CTNNA1: variants seen among roughly 807,000 people sequenced by gnomAD.
The protein encoded by CTNNA1 is catenin alpha 1.
Under a neutral mutation model 98.4 loss-of-function variants are expected in CTNNA1, and 37 were observed. The ratio of observed to expected loss-of-function variants is 0.38; its 90% CI spans 0.29 to 0.49. The LOEUF is 0.49. CTNNA1 is among the 20% of genes least tolerant of loss of function. The pLI is 0.95. For synonymous variants in CTNNA1, 404 were observed against 413.2 expected (o/e 0.98, Z 0.27); for missense variants, 761 against 1,147.2 (o/e 0.66, Z 4.86).
chr5:138,773,915 A>G (rs1753816045), intron 1 of CTNNA1, among the ~76,000 whole-genome samples: 1 of 151,880 alleles, frequency 6.6e-6, no homozygotes, highest in African/African-American at 2.4e-5. Flanking sequence ...ACAAAGTCTC[A>G]CTCTGTCGCC....
At chr5:138,908,770 G>C (rs1411590903) in intron 10 of CTNNA1, among the ~76,000 whole-genome samples, 1 of 152,036 alleles carries the variant, frequency 6.6e-6, no homozygotes, top group Non-Finnish European at 1.5e-5. Context: ...TTATCATTAA[G>C]AAAAGAGGAG....
Position 138,887,444 on chromosome 5 carries a change from C to T in CTNNA1, c.1144-46C>T, listed in dbSNP as rs1019087734. The T allele has an allele frequency of 1.3e-5, 18 of 1,427,858 alleles. No individual in the cohort carries two copies. Among genetic ancestry groups the T allele is most frequent in the Non-Finnish European group, 1.7e-5 (18 of 1,036,186 alleles). The allele number at this position is 1,427,858 out of a possible 1,614,324, so 88.4% of individuals were successfully genotyped here. The stretch of plus-strand genomic sequence containing the variant: ...AGAATAAAAAGCAATCTATTTAATA[C>T]CTTTTTGGTAGAAATAAAATCAAAT... On this transcript the variant is annotated intron_variant, in intron 8 of 17. Coordinates refer to ENST00000302763, the MANE Select transcript of CTNNA1 (RefSeq NM_001903.5).
chr5:138,804,269 AC>A (rs551733827), intron 3 of CTNNA1, among the ~76,000 whole-genome samples: 85 of 152,294 alleles, frequency 5.6e-4, no homozygotes, highest in Non-Finnish European at 9.7e-4. Flanking sequence ...CTTTCATGTT[AC>A]TGCATTCAAT....
intron 1 of CTNNA1, among the ~76,000 whole-genome samples, chr5:138,770,892 C>T (rs567096738): frequency 8.0e-5 from 12 of 150,544 alleles, no homozygotes; most frequent in Non-Finnish European, 1.8e-4. Flanking sequence ...GCAGGGCTTG[C>T]AGTGAGCCGA....
At chr5:138,858,334 C>T (rs1349132357) in intron 7 of CTNNA1, among the ~76,000 whole-genome samples, 1 of 151,856 alleles carries the variant, frequency 6.6e-6, no homozygotes, top group Non-Finnish European at 1.5e-5. Flanking sequence ...GCCATGTTGC[C>T]CAGGCTGATC....
At position 138,844,372 on chromosome 5, in the gene CTNNA1, T is replaced by A. The variant is rs150431826; in HGVS notation, c.1062+16654T>A. Among the ~76,000 whole-genome samples, 1,800 of 152,276 alleles carry A rather than the reference T, an allele frequency of 0.012. 31 individuals are homozygous for A. The highest frequency in any genetic ancestry group is 0.016 in the Non-Finnish European group (1,083 of 68,014). Reference sequence around the variant, plus strand: ...TCTTAGCTGCTTGACTTTTATATAATTTAGTAGTGATGTTTACATTGTTCA... The same window carrying A: ...TCTTAGCTGCTTGACTTTTATATAAATTAGTAGTGATGTTTACATTGTTCA... On this transcript the variant is annotated intron_variant, in intron 7 of 17. Transcript: ENST00000302763.
At chr5:138,841,858 T>A (rs1459145277) in intron 7 of CTNNA1, among the ~76,000 whole-genome samples, 1 of 152,200 alleles carries the variant, frequency 6.6e-6, no homozygotes, top group African/African-American at 2.4e-5. Context: ...CAGTGTGACA[T>A]CGTATTTCAA....
chr5:138,874,664 C>CT lies in CTNNA1; in HGVS notation c.1063-11547dup. 1.3e-6 allele frequency: 1 copy of CT among 770,170 alleles called. No homozygotes were observed. 47.7% of individuals were successfully genotyped at this position (770,170 alleles called of 1,614,324 possible). On this transcript the variant is annotated intron_variant, in intron 7 of 17. Coordinates refer to ENST00000302763, the MANE Select transcript of CTNNA1 (RefSeq NM_001903.5). The surrounding 1 kb of genome is among the most constrained non-coding windows in gnomAD (Gnocchi z 4.1). ...ACCAACATTATAGCAAAAGATTTCACTGCATATAACTTATTTTTCATTTAC... is the reference window on the plus strand; with the variant it reads ...ACCAACATTATAGCAAAAGATTTCACTTGCATATAACTTATTTTTCATTTAC...
At chr5:138,854,793 A>G (rs932936317) in intron 7 of CTNNA1, among the ~76,000 whole-genome samples, 1 of 152,196 alleles carries the variant, frequency 6.6e-6, no homozygotes, top group African/African-American at 2.4e-5. Flanking sequence ...GGCTTATGTA[A>G]TAATGTCATC....
At chr5:138,780,528 A>G (rs1045291534) in intron 1 of CTNNA1, among the ~76,000 whole-genome samples, 3 of 149,008 alleles carry the variant, frequency 2.0e-5, no homozygotes, top group African/African-American at 7.4e-5. Flanking sequence ...TATTATTATT[A>G]TTTTTTAAGA....
chr5:138,783,113 C>T (rs1755311849), intron 2 of CTNNA1, 64 bp from the exon 3 acceptor site: 1 of 1,287,360 alleles, frequency 7.8e-7, no homozygotes, highest in South Asian at 1.5e-5. Flanking sequence ...ATCTTGCTGT[C>T]TTTAAAGATA....
At position 138,841,069 on chromosome 5, in the gene CTNNA1, T is replaced by C. The variant is rs969810745; in HGVS notation, c.1062+13351T>C. Reference sequence around the variant, plus strand: ...TTGAAAGTTGCCTCTTTGGTTGATATATTTCTCAGTCATAATGCCAACTTA... The same window carrying C: ...TTGAAAGTTGCCTCTTTGGTTGATACATTTCTCAGTCATAATGCCAACTTA... On this transcript the variant is annotated intron_variant, in intron 7 of 17. Transcript: ENST00000302763. Among the ~76,000 whole-genome samples the C allele has an allele frequency of 3.9e-5, 6 of 152,192 alleles. No homozygotes were observed. In the East Asian group the frequency reaches 1.2e-3, roughly 29 times the overall value.
Position 138,875,700 on chromosome 5 carries a change from C to T in CTNNA1, c.1063-10512C>T, listed in dbSNP as rs954216009. The T allele has an allele frequency of 7.1e-6, 7 of 985,296 alleles. No homozygotes were observed. In the African/African-American group the frequency reaches 1.2e-4, roughly 17 times the overall value. The allele number at this position is 985,296 out of a possible 1,614,324, so 61.0% of individuals were successfully genotyped here. A position where few individuals can be genotyped will look rare whatever the true frequency, so the allele number is the denominator to read the frequency against. ...TCATCTAAATGGGCAGAAGCCTGCA[C>T]AATTTATGAAGTGCTGATTTAACAC... On this transcript the variant is annotated intron_variant, in intron 7 of 17. Coordinates refer to ENST00000302763, the MANE Select transcript of CTNNA1 (RefSeq NM_001903.5).
intron 7 of CTNNA1, among the ~76,000 whole-genome samples, chr5:138,843,772 C>T (rs969365539): frequency 1.3e-5 from 2 of 152,154 alleles, no homozygotes; most frequent in Admixed American, 1.3e-4. Context: ...GTGTCCTGGG[C>T]TTCCTGTATG....
chr5:138,765,347 A>T (rs1339944896), intron 1 of CTNNA1, among the ~76,000 whole-genome samples: 1 of 150,842 alleles, frequency 6.6e-6, no homozygotes, highest in East Asian at 2.0e-4. Context: ...GGCCCCAGCT[A>T]ATTTTCTTAT....
rs944459268 is a variant in CTNNA1, at chr5:138,932,197, G to A, written c.2299-381G>A. The A allele has an allele frequency of 1.7e-5, 17 of 1,022,128 alleles. No individual in the cohort carries two copies. The African/African-American group carries it at 2.7e-4, about 16-fold the overall frequency. The allele number at this position is 1,022,128 out of a possible 1,614,324, so 63.3% of individuals were successfully genotyped here. On this transcript the variant is annotated intron_variant, in intron 16 of 17. Coordinates refer to ENST00000302763, the MANE Select transcript of CTNNA1 (RefSeq NM_001903.5). ...GACTTTTCTCCATAGCCAGGCTCCTGCTTGCTGAGCCGGCTTGTTCTCACC... is the reference window on the plus strand; with the variant it reads ...GACTTTTCTCCATAGCCAGGCTCCTACTTGCTGAGCCGGCTTGTTCTCACC...
intron 1 of CTNNA1, among the ~76,000 whole-genome samples, chr5:138,763,918 C>G (rs1380563977): frequency 6.6e-6 from 1 of 152,128 alleles, no homozygotes; most frequent in Non-Finnish European, 1.5e-5. Flanking sequence ...AGGCTGGGTG[C>G]GGTGGCTCAC....
intron 1 of CTNNA1, among the ~76,000 whole-genome samples, chr5:138,772,693 A>G (rs1753675770): frequency 6.6e-6 from 1 of 152,260 alleles, no homozygotes; most frequent in Non-Finnish European, 1.5e-5. Flanking sequence ...TCTGAAGACC[A>G]TATGCTAAAC....
intron 3 of CTNNA1, among the ~76,000 whole-genome samples, chr5:138,786,863 G>A (rs1755767799): frequency 6.6e-6 from 1 of 152,246 alleles, no homozygotes; most frequent in African/African-American, 2.4e-5. Flanking sequence ...GTTTTAAGCT[G>A]CCACCTCTTG....
Sources: gnomAD v4.1 joint callset for allele counts (sites outside exome capture counted in the v4.1 genomes callset) on GRCh38, gnomAD v4.1.1 for gene constraint, Gnocchi (gnomAD v3.1) non-coding constraint, MANE v1.5 for transcripts, NCBI Gene and HGNC (gene_info 2026-07-23, HGNC 2026-07-21) for gene names.